Variants in CLEC16A observed in about 807,000 individuals in gnomAD.
The protein encoded by CLEC16A is protein CLEC16A.
Under a neutral mutation model 109.5 loss-of-function variants are expected in CLEC16A, and 51 were observed. The ratio of observed to expected loss-of-function variants is 0.47; its 90% CI spans 0.37 to 0.59. CLEC16A has a LOEUF of 0.59. Among genes scored for constraint, CLEC16A ranks in the 20% least tolerant of loss-of-function variants. The pLI is 0.00. For synonymous variants in CLEC16A, 673 were observed against 564.2 expected, an observed-to-expected ratio of 1.19 and a Z score of -2.73; for missense variants, 1,339 against 1,394.0, an observed-to-expected ratio of 0.96 and a Z score of 0.63.
intron 19 of CLEC16A, among the ~76,000 whole-genome samples, chr16:11,108,364 TG>T (rs1246972227): frequency 1.3e-5 from 2 of 152,234 alleles, no homozygotes; most frequent in African/African-American, 2.4e-5. Flanking sequence ...AGGGGGACCT[TG>T]CCAAGGCAGT....
intron 2 of CLEC16A, among the ~76,000 whole-genome samples, chr16:10,959,341 G>T (rs918872933): frequency 6.6e-6 from 1 of 152,166 alleles, no homozygotes; most frequent in East Asian, 1.9e-4. Context: ...TGCGAGTCAT[G>T]AATTTGTGTT....
intron 19 of CLEC16A, among the ~76,000 whole-genome samples, chr16:11,086,684 A>G (rs1314260178): frequency 6.6e-6 from 1 of 152,152 alleles, no homozygotes; most frequent in Non-Finnish European, 1.5e-5. Context: ...CTGGGAATAC[A>G]GGCGCCTGCC....
intron 19 of CLEC16A, among the ~76,000 whole-genome samples, chr16:11,113,434 AG>A (rs1368682824): frequency 6.6e-6 from 1 of 152,148 alleles, no homozygotes; most frequent in Non-Finnish European, 1.5e-5. Flanking sequence ...CTGAGGTGGG[AG>A]GATCCCTTGA....
intron 19 of CLEC16A, among the ~76,000 whole-genome samples, chr16:11,081,462 C>A (rs1197063113): frequency 6.6e-6 from 1 of 152,142 alleles, no homozygotes; most frequent in Non-Finnish European, 1.5e-5. Context: ...TGTGGCGCCT[C>A]CAGGTAGGGC....
intron 22 of CLEC16A, among the ~76,000 whole-genome samples, chr16:11,128,493 C>A (rs2052983302): frequency 6.6e-6 from 1 of 152,234 alleles, no homozygotes; most frequent in Non-Finnish European, 1.5e-5. Flanking sequence ...CTGCTGAAGG[C>A]AGCATCCACC....
At chr16:11,168,817 A>C (rs2068382129) in intron 23 of CLEC16A, among the ~76,000 whole-genome samples, 1 of 152,274 alleles carries the variant, frequency 6.6e-6, no homozygotes, top group Non-Finnish European at 1.5e-5. Flanking sequence ...GGACAGGAGA[A>C]GGGAGACAGC....
intron 3 of CLEC16A, among the ~76,000 whole-genome samples, chr16:10,966,196 A>C (rs1359558967): frequency 6.6e-6 from 1 of 152,248 alleles, no homozygotes; most frequent in Admixed American, 6.5e-5. Context: ...ACTATATAGC[A>C]AAAAAGAAAA....
intron 11 of CLEC16A, among the ~76,000 whole-genome samples, chr16:11,004,125 T>C (rs751416248): frequency 6.6e-6 from 1 of 152,216 alleles, no homozygotes; most frequent in East Asian, 1.9e-4. Flanking sequence ...GCAAAATCAT[T>C]CATTCCTCCT....
At chr16:11,105,590 T>C (rs6498160) in intron 19 of CLEC16A, among the ~76,000 whole-genome samples, 77,205 of 152,060 alleles carry the variant, frequency 0.51, 20,939 homozygotes, top group African/African-American at 0.71. Flanking sequence ...GTGCCTTTCA[T>C]ACTGAGAGAA....
intron 22 of CLEC16A, among the ~76,000 whole-genome samples, chr16:11,139,021 A>G (rs2053699478): frequency 6.6e-6 from 1 of 152,172 alleles, no homozygotes; most frequent in Non-Finnish European, 1.5e-5. Context: ...AGCTAGCTTA[A>G]GGCAAAATCT....
chr16:11,158,145 C>G (rs1160669381), intron 22 of CLEC16A, among the ~76,000 whole-genome samples: 1 of 152,196 alleles, frequency 6.6e-6, no homozygotes, highest in Non-Finnish European at 1.5e-5. Context: ...TGCACACTTG[C>G]TGTCTTCAGT....
intron 22 of CLEC16A, among the ~76,000 whole-genome samples, chr16:11,165,768 G>A (rs74009934): frequency 6.6e-6 from 1 of 152,284 alleles, no homozygotes; most frequent in African/African-American, 2.4e-5. Flanking sequence ...AAACGTGTGG[G>A]CAGACTCCAC....
intron 10 of CLEC16A, among the ~76,000 whole-genome samples, chr16:10,986,049 G>T (rs1247882441): frequency 1.2e-4 from 2 of 16,072 alleles, no homozygotes; most frequent in South Asian, 2.5e-3. Flanking sequence ...TTTTTTTTTT[G>T]AGACTGAGTC....
intron 19 of CLEC16A, among the ~76,000 whole-genome samples, chr16:11,105,497 G>C (rs1488827678): frequency 1.3e-5 from 2 of 152,184 alleles, no homozygotes; most frequent in African/African-American, 4.8e-5. Flanking sequence ...CTTAAAATTT[G>C]ACACGGGGGA....
chr16:10,994,799 T>G (rs1303065011), intron 10 of CLEC16A, among the ~76,000 whole-genome samples: 1 of 152,234 alleles, frequency 6.6e-6, no homozygotes, highest in Non-Finnish European at 1.5e-5. Context: ...TCACTGCATT[T>G]TTGTTGCAAA....
chr16:11,063,102 T>C (rs76809915), intron 19 of CLEC16A, among the ~76,000 whole-genome samples: 141 of 152,224 alleles, frequency 9.3e-4, no homozygotes, highest in Non-Finnish European at 1.9e-3. Context: ...CTGAGCCTTT[T>C]TGGGTAGTTG....
intron 19 of CLEC16A, among the ~76,000 whole-genome samples, chr16:11,069,380 T>A (rs868724292): frequency 6.7e-6 from 1 of 149,322 alleles, no homozygotes; most frequent in South Asian, 2.1e-4. Flanking sequence ...CCACCCACCT[T>A]GGCCTCCCAA....
At chr16:11,139,691 G>A (rs1163778466) in intron 22 of CLEC16A, among the ~76,000 whole-genome samples, 1 of 152,206 alleles carries the variant, frequency 6.6e-6, no homozygotes, top group Admixed American at 6.5e-5. Flanking sequence ...CCATGTTGAG[G>A]GTGAGAAATT....
intron 19 of CLEC16A, among the ~76,000 whole-genome samples, chr16:11,108,952 T>C (rs548144532): frequency 1.5e-4 from 23 of 151,682 alleles, no homozygotes; most frequent in Non-Finnish European, 2.5e-4. Flanking sequence ...CTACTAAAAA[T>C]ACAAACAAAT....
Sources: gnomAD v4.1 joint callset for allele counts (sites outside exome capture counted in the v4.1 genomes callset) on GRCh38, gnomAD v4.1.1 for gene constraint, MANE v1.5 for transcripts, NCBI Gene and HGNC (gene_info 2026-07-23, HGNC 2026-07-21) for gene names.